The following PTPRM variants were observed in gnomAD, a reference collection of about 807,000 sequenced individuals.
The protein encoded by PTPRM is protein tyrosine phosphatase receptor type M, also known as receptor-type tyrosine-protein phosphatase mu.
In PTPRM, 47 loss-of-function variants were observed where a neutral mutation model predicts 186.7. The ratio of observed to expected loss-of-function variants is 0.25; its 90% confidence interval spans 0.20 to 0.32. PTPRM has a LOEUF of 0.32. Ranked by LOEUF, PTPRM falls within the 10% of genes least tolerant of loss-of-function variation. The probability of loss-of-function intolerance (pLI) is 1.00; values close to 1 mark genes in which losing one functional copy is unlikely to be tolerated. For synonymous variants in PTPRM, 668 were observed against 674.9 expected (o/e 0.99, Z 0.16); for missense variants, 1,494 against 1,865.0 (o/e 0.80, Z 3.66).
At chr18:7,890,335 G>T (rs955242894) in intron 3 of PTPRM, among the ~76,000 whole-genome samples, 1 of 152,084 alleles carries the variant, frequency 6.6e-6, no homozygotes, top group Non-Finnish European at 1.5e-5. Flanking sequence ...CAAAATGGGC[G>T]TGAACAGCAT....
chr18:7,902,230 C>G (rs1469707651), intron 3 of PTPRM, among the ~76,000 whole-genome samples: 4 of 152,206 alleles, frequency 2.6e-5, no homozygotes, highest in African/African-American at 9.7e-5. Context: ...AGCTGCTGTC[C>G]TTCTTTGCCT....
At position 7,885,803 on chromosome 18, in the gene PTPRM, C is replaced by CA. The variant is rs2048754568; in HGVS notation, c.197-2302dup. 2.6e-5 allele frequency among the ~76,000 whole-genome samples: 4 copies of CA among 152,240 alleles called. No individual in the cohort carries two copies. In the South Asian group the frequency reaches 8.3e-4, roughly 32 times the overall value. On this transcript the variant is annotated intron_variant, in intron 2 of 32. Transcript: ENST00000580170. The stretch of plus-strand genomic sequence containing the variant: ...AAGAGCATTTCATGCTGGAATGGAG[C>CA]AGAGTGGATTTAGCATTGGAGGCAG...
chr18:7,603,224 G>A (rs1192503451), intron 1 of PTPRM, among the ~76,000 whole-genome samples: 2 of 152,044 alleles, frequency 1.3e-5, no homozygotes, highest in Non-Finnish European at 2.9e-5. Context: ...CACCGTGCCC[G>A]GCCTGGAATT....
At chr18:7,894,989 A>G (rs2049277276) in intron 3 of PTPRM, among the ~76,000 whole-genome samples, 1 of 152,258 alleles carries the variant, frequency 6.6e-6, no homozygotes, top group African/African-American at 2.4e-5. Flanking sequence ...TAGTTTTGAT[A>G]TGAGTGAAAA....
intron 19 of PTPRM, among the ~76,000 whole-genome samples, chr18:8,294,904 A>G (rs2095079448): frequency 6.6e-6 from 1 of 152,176 alleles, no homozygotes; most frequent in Non-Finnish European, 1.5e-5. Flanking sequence ...TGAGGGCAGA[A>G]CAGACCTGGG....
At chr18:8,193,310 A>G (rs1214648663) in intron 14 of PTPRM, among the ~76,000 whole-genome samples, 1 of 152,178 alleles carries the variant, frequency 6.6e-6, no homozygotes, top group African/African-American at 2.4e-5. Flanking sequence ...GTTCAAAATG[A>G]GAAGCTGTGG....
intron 11 of PTPRM, among the ~76,000 whole-genome samples, chr18:8,093,290 A>G (rs8083556): frequency 0.064 from 9,764 of 152,126 alleles, 1,025 homozygotes; most frequent in African/African-American, 0.22. Context: ...TGTGAAGACT[A>G]AATGAGGTGA....
At chr18:7,750,065 G>A (rs1252782395) in intron 1 of PTPRM, among the ~76,000 whole-genome samples, 1 of 152,126 alleles carries the variant, frequency 6.6e-6, no homozygotes, top group Non-Finnish European at 1.5e-5. Context: ...TACTTGATAA[G>A]GGTTTCCATA....
At chr18:8,405,161 T>C (rs935669411) in intron 32 of PTPRM, 1 of 137,122 alleles carries the variant, frequency 7.3e-6, no homozygotes, top group Non-Finnish European at 1.5e-5. Flanking sequence ...CCATGTTTCT[T>C]AAAAAGAAAA....
At chr18:7,810,129 G>A (rs1185517528) in intron 2 of PTPRM, among the ~76,000 whole-genome samples, 2 of 152,122 alleles carry the variant, frequency 1.3e-5, no homozygotes, top group Non-Finnish European at 2.9e-5. Flanking sequence ...ATCTGCAGTA[G>A]CCAAACACCC....
At chr18:8,144,744 A>T (rs961839224) in intron 14 of PTPRM, among the ~76,000 whole-genome samples, 1 of 152,264 alleles carries the variant, frequency 6.6e-6, no homozygotes, top group African/African-American at 2.4e-5. Flanking sequence ...AACAAGCAAA[A>T]ACTTGCTTAA....
chr18:8,237,472 G>C (rs2094359951), intron 14 of PTPRM, among the ~76,000 whole-genome samples: 1 of 111,184 alleles, frequency 9.0e-6, no homozygotes, highest in Non-Finnish European at 1.7e-5. Flanking sequence ...TCCTGAGACA[G>C]AGTTTCGCTC....
At chr18:8,245,242 A>G (rs2094466884) in intron 15 of PTPRM, among the ~76,000 whole-genome samples, 1 of 152,076 alleles carries the variant, frequency 6.6e-6, no homozygotes. Flanking sequence ...CGTTTCTCGT[A>G]CACGCGGCTG....
At chr18:7,907,333 A>G (rs571546180) in intron 4 of PTPRM, among the ~76,000 whole-genome samples, 3 of 152,300 alleles carry the variant, frequency 2.0e-5, no homozygotes, top group African/African-American at 4.8e-5. Flanking sequence ...GAAGCAGAAA[A>G]GGCATCCTGT....
Position 7,949,275 on chromosome 18 carries a change from G to A in PTPRM, c.758G>A (p.Arg253Gln), listed in dbSNP as rs372350305. The change falls in exon 6 of 33, where the codon CGA becomes CAA. Residue 253 changes from arginine to glutamine, a missense_variant. Transcript: ENST00000580170. ...TTTAATGTTGTGAATACCACCAAAC[G>A]AGATGCTGGAAAGTACCGCTGCATG... ...ASFNVVNTTK[R>Q]DAGKYRCMIR... The A allele has an allele frequency of 5.0e-6, 8 of 1,613,868 alleles. No homozygotes were observed. The highest frequency in any genetic ancestry group is 3.3e-5 in the Admixed American group (2 of 60,006).
intron 1 of PTPRM, among the ~76,000 whole-genome samples, chr18:7,583,638 G>A (rs1026603786): frequency 1.3e-5 from 2 of 152,222 alleles, no homozygotes; most frequent in African/African-American, 4.8e-5. Context: ...TAGCTTCTTA[G>A]TGACTTGACT....
chr18:7,776,128 G>A (rs28550900), intron 2 of PTPRM, among the ~76,000 whole-genome samples: 8,157 of 152,186 alleles, frequency 0.054, 683 homozygotes, highest in African/African-American at 0.18. Flanking sequence ...AGAATGACAT[G>A]GAGGCATTTA....
chr18:7,834,956 G>C (rs2045959081), intron 2 of PTPRM, among the ~76,000 whole-genome samples: 1 of 135,428 alleles, frequency 7.4e-6, no homozygotes, highest in African/African-American at 2.7e-5. Flanking sequence ...CAGTTGTAAT[G>C]TCTCCTTTTT....
At chr18:8,168,988 T>C (rs1470397123) in intron 14 of PTPRM, among the ~76,000 whole-genome samples, 1 of 152,170 alleles carries the variant, frequency 6.6e-6, no homozygotes, top group African/African-American at 2.4e-5. Flanking sequence ...CTAGACTCAA[T>C]GGAAGAAGTT....
Sources: allele counts gnomAD v4.1 joint callset (sites outside exome capture counted in the v4.1 genomes callset), GRCh38; gene constraint gnomAD v4.1.1; transcripts MANE v1.5; gene names NCBI Gene and HGNC (gene_info 2026-07-23, HGNC 2026-07-21).